The following BABAM2 variants were observed in gnomAD, a reference collection of about 807,000 sequenced individuals.
BABAM2 encodes BRISC and BRCA1-A complex member 2.
Under a neutral mutation model 54.7 loss-of-function variants are expected in BABAM2, and 31 were observed. That is an observed-to-expected ratio of 0.57 (90% confidence interval 0.43 to 0.77). The LOEUF (loss-of-function observed/expected upper bound fraction) is 0.77. BABAM2 is among the 30% of genes least tolerant of loss of function. The pLI, the probability that BABAM2 is intolerant of heterozygous loss-of-function variation, is 0.00. For missense variants in BABAM2, 364 were observed against 455.8 expected (o/e 0.80, Z 1.83); for synonymous variants, 167 against 162.9 (o/e 1.03, Z -0.19).
chr2:28,255,946 G>T (rs941267695), intron 10 of BABAM2, among the ~76,000 whole-genome samples: 1 of 152,138 alleles, frequency 6.6e-6, no homozygotes, highest in African/African-American at 2.4e-5. Flanking sequence ...GATTACAGGT[G>T]TGTGCCACCA....
intron 6 of BABAM2, among the ~76,000 whole-genome samples, chr2:28,128,077 G>T (rs1270254416): frequency 6.6e-6 from 1 of 152,136 alleles, no homozygotes; most frequent in Non-Finnish European, 1.5e-5. Flanking sequence ...CTCCCAAAGT[G>T]CTGGGATTAC....
intron 5 of BABAM2, among the ~76,000 whole-genome samples, chr2:28,037,824 A>G (rs1338380055): frequency 1.3e-5 from 2 of 152,204 alleles, no homozygotes; most frequent in East Asian, 3.8e-4. Context: ...ATATAGAGCC[A>G]TTTGCCTGAA....
chr2:28,198,341 T>C (rs1297678394), intron 7 of BABAM2, among the ~76,000 whole-genome samples: 3 of 152,000 alleles, frequency 2.0e-5, no homozygotes, highest in African/African-American at 7.2e-5. Flanking sequence ...ATTTTTTGTA[T>C]TTTTTTAGTA....
intron 4 of BABAM2, among the ~76,000 whole-genome samples, chr2:28,023,982 G>A (rs1675456022): frequency 6.6e-6 from 1 of 152,100 alleles, no homozygotes; most frequent in Non-Finnish European, 1.5e-5. Flanking sequence ...TTGCATTTAC[G>A]TTGCAGAAGC....
intron 2 of BABAM2, among the ~76,000 whole-genome samples, chr2:27,919,997 G>A (rs1667234387): frequency 6.6e-6 from 1 of 152,016 alleles, no homozygotes; most frequent in Non-Finnish European, 1.5e-5. Context: ...TTTTGGTGAT[G>A]GCATTTTGGA....
At chr2:28,153,199 T>C (rs532746925) in intron 7 of BABAM2, among the ~76,000 whole-genome samples, 1 of 152,342 alleles carries the variant, frequency 6.6e-6, no homozygotes, top group South Asian at 2.1e-4. Context: ...TGGATGTTCC[T>C]CCTTACAGAA....
At chr2:27,978,760 G>A (rs1200518159) in intron 3 of BABAM2, among the ~76,000 whole-genome samples, 1 of 152,076 alleles carries the variant, frequency 6.6e-6, no homozygotes, top group South Asian at 2.1e-4. Context: ...CAAAGTACCC[G>A]ATTGGTAGGT....
intron 7 of BABAM2, among the ~76,000 whole-genome samples, chr2:28,176,275 AAAG>A (rs1284188272): frequency 6.6e-6 from 1 of 152,124 alleles, no homozygotes; most frequent in African/African-American, 2.4e-5. Flanking sequence ...TAACGATAGT[AAAG>A]AAGCTCACTG....
chr2:28,133,908 T>C (rs1460071054), intron 7 of BABAM2, among the ~76,000 whole-genome samples: 1 of 152,192 alleles, frequency 6.6e-6, no homozygotes, highest in Non-Finnish European at 1.5e-5. Context: ...GAAGTCTGTT[T>C]GCCCAGGGTC....
intron 7 of BABAM2, among the ~76,000 whole-genome samples, chr2:28,137,361 T>C (rs13431389): frequency 0.25 from 37,399 of 152,080 alleles, 4,803 homozygotes; most frequent in South Asian, 0.47. Flanking sequence ...CAGGAGAAGA[T>C]ATGTATTTGA....
chr2:27,949,624 A>G (rs1361787317), intron 3 of BABAM2, among the ~76,000 whole-genome samples: 6 of 152,220 alleles, frequency 3.9e-5, no homozygotes, highest in African/African-American at 1.4e-4. Context: ...AATTGCTGAT[A>G]ATCATACTCT....
chr2:28,337,443 G>A (rs1196524962), intron 11 of BABAM2, among the ~76,000 whole-genome samples: 3 of 152,260 alleles, frequency 2.0e-5, no homozygotes, highest in East Asian at 1.9e-4. Flanking sequence ...GGGTCACCCC[G>A]CCACCCCTGA....
intron 7 of BABAM2, among the ~76,000 whole-genome samples, chr2:28,132,421 A>T (rs953655170): frequency 3.3e-5 from 5 of 152,008 alleles, no homozygotes; most frequent in Non-Finnish European, 7.4e-5. Context: ...TACAGGCGTG[A>T]GCCACCACGC....
chr2:28,310,354 G>T, intron 11 of BABAM2: 1 of 524,806 alleles, frequency 1.9e-6, no homozygotes, highest in South Asian at 2.8e-5. Flanking sequence ...TGGCTCCCCT[G>T]GGGGAGGGGC....
At chr2:28,152,457 T>G (rs1197870040) in intron 7 of BABAM2, among the ~76,000 whole-genome samples, 1 of 152,178 alleles carries the variant, frequency 6.6e-6, no homozygotes, top group South Asian at 2.1e-4. Context: ...AACCTCCGCC[T>G]TTTTTGGGTT....
chr2:28,211,610 A>G (rs10202640), intron 7 of BABAM2, among the ~76,000 whole-genome samples: 109,588 of 151,762 alleles, frequency 0.72, 41,566 homozygotes, highest in East Asian at 0.99. Context: ...GCTGGTCTTG[A>G]ACTCCTGACC....
chr2:28,250,663 G>A (rs748933997), intron 10 of BABAM2, among the ~76,000 whole-genome samples: 2 of 149,190 alleles, frequency 1.3e-5, no homozygotes, highest in African/African-American at 2.5e-5. Flanking sequence ...GCAGTGGCAC[G>A]ATCTCAGCTC....
intron 11 of BABAM2, among the ~76,000 whole-genome samples, chr2:28,323,010 T>G (rs1271516449): frequency 6.6e-6 from 1 of 152,170 alleles, no homozygotes; most frequent in African/African-American, 2.4e-5. Flanking sequence ...GCAATAGCAG[T>G]AAGAAGCGGC....
intron 6 of BABAM2, among the ~76,000 whole-genome samples, chr2:28,086,980 G>A (rs998732990): frequency 6.6e-6 from 1 of 151,974 alleles, no homozygotes; most frequent in African/African-American, 2.4e-5. Context: ...TTTTTGTTCC[G>A]GGAATGCAAA....
Sources: gnomAD v4.1 joint callset for allele counts (sites outside exome capture counted in the v4.1 genomes callset) on GRCh38, gnomAD v4.1.1 for gene constraint, MANE v1.5 for transcripts, NCBI Gene and HGNC (gene_info 2026-07-23, HGNC 2026-07-21) for gene names.